MAF: variants seen among roughly 807,000 people sequenced by gnomAD.
MAF encodes the protein transcription factor Maf.
In MAF, 10 loss-of-function variants were observed where a neutral mutation model predicts 22.0. The observed-to-expected ratio is 0.45, with a 90% CI of 0.28 to 0.77. The LOEUF (loss-of-function observed/expected upper bound fraction) is 0.77. Among genes scored for constraint, MAF ranks in the 30% least tolerant of loss-of-function variants. The probability of loss-of-function intolerance (pLI) is 0.12; values close to 1 mark genes in which losing one functional copy is unlikely to be tolerated. For synonymous variants in MAF, 337 were observed against 255.8 expected, an observed-to-expected ratio of 1.32 and a Z score of -3.03; for missense variants, 544 against 548.4, an observed-to-expected ratio of 0.99 and a Z score of 0.08.
chr16:79,297,196 G>A, the MAF span, among the ~76,000 whole-genome samples: 2 of 152,170 alleles, frequency 1.3e-5, no homozygotes, highest in African/African-American at 4.8e-5. Flanking sequence ...TAATATTATG[G>A]GGTAGCAAAG....
the MAF span, among the ~76,000 whole-genome samples, chr16:79,318,367 G>A: frequency 6.6e-6 from 1 of 152,148 alleles, no homozygotes; most frequent in Non-Finnish European, 1.5e-5. Flanking sequence ...CCTGGAGGAG[G>A]AGATACATCA....
At chr16:79,585,883 T>C (rs1912808748) in exon 2 of MAF, 3 of 674,686 alleles carry the variant, frequency 4.4e-6, no homozygotes, top group African/African-American at 3.6e-5. Context: ...GATGTACCTC[T>C]TTGACTTCAG....
the MAF span, among the ~76,000 whole-genome samples, chr16:79,459,779 G>C: frequency 1.3e-5 from 2 of 152,070 alleles, no homozygotes; most frequent in Non-Finnish European, 2.9e-5. Flanking sequence ...GCCCAGGTTG[G>C]TCTTGATCTC....
chr16:79,230,949 T>C, the MAF span, among the ~76,000 whole-genome samples: 399 of 152,248 alleles, frequency 2.6e-3, 1 homozygote, highest in African/African-American at 9.1e-3. Flanking sequence ...GCCCAAAATA[T>C]ACGGATATCA....
At chr16:79,300,544 A>C in the MAF span, among the ~76,000 whole-genome samples, 4 of 147,338 alleles carry the variant, frequency 2.7e-5, no homozygotes, top group South Asian at 2.1e-4. Context: ...ACAGAGCAAG[A>C]CTCCATCTCA....
the MAF span, among the ~76,000 whole-genome samples, chr16:79,235,246 G>C: frequency 6.6e-6 from 1 of 151,996 alleles, no homozygotes; most frequent in African/African-American, 2.4e-5. Flanking sequence ...TTGCTGTAGA[G>C]GATGTTTGGC....
At chr16:79,398,432 C>G in the MAF span, among the ~76,000 whole-genome samples, 1 of 152,150 alleles carries the variant, frequency 6.6e-6, no homozygotes, top group African/African-American at 2.4e-5. Flanking sequence ...GATTAGAGCA[C>G]AGATATCTTT....
At chr16:79,439,959 G>T in the MAF span, among the ~76,000 whole-genome samples, 1 of 152,190 alleles carries the variant, frequency 6.6e-6, no homozygotes, top group Non-Finnish European at 1.5e-5. Flanking sequence ...GTTTTGATGC[G>T]AGAGGTCTTC....
chr16:79,402,128 G>C, the MAF span, among the ~76,000 whole-genome samples: 4 of 152,208 alleles, frequency 2.6e-5, no homozygotes, highest in Admixed American at 2.0e-4. Flanking sequence ...GCTTAAGCTA[G>C]CAGAATTGCT....
chr16:79,361,711 G>C, the MAF span, among the ~76,000 whole-genome samples: 1 of 102,754 alleles, frequency 9.7e-6, no homozygotes, highest in Non-Finnish European at 2.6e-5. Context: ...TTTATATACA[G>C]ATTTGGTGGT....
chr16:79,225,833 C>A, the MAF span, among the ~76,000 whole-genome samples: 1 of 152,122 alleles, frequency 6.6e-6, no homozygotes, highest in African/African-American at 2.4e-5. Context: ...AATGAGATAC[C>A]ATCTCACACC....
chr16:79,210,802 C>T, the MAF span, among the ~76,000 whole-genome samples: 2 of 152,108 alleles, frequency 1.3e-5, no homozygotes, highest in African/African-American at 4.8e-5. Flanking sequence ...GATGCCTCAT[C>T]ACTGCACACG....
chr16:79,402,010 T>C, the MAF span, among the ~76,000 whole-genome samples: 55 of 152,314 alleles, frequency 3.6e-4, no homozygotes, highest in Admixed American at 9.8e-4. Context: ...AGAGGTTAAA[T>C]GCCCAAAGTC....
At chr16:79,229,880 G>A in the MAF span, among the ~76,000 whole-genome samples, 1 of 152,006 alleles carries the variant, frequency 6.6e-6, no homozygotes, top group African/African-American at 2.4e-5. Context: ...GAGCTTGCTT[G>A]CGGCAGCCTG....
At chr16:79,262,910 C>T in the MAF span, among the ~76,000 whole-genome samples, 7 of 152,128 alleles carry the variant, frequency 4.6e-5, no homozygotes, top group Non-Finnish European at 1.0e-4. Context: ...GCATCTTATT[C>T]TCTCATAATG....
chr16:79,274,596 C>T, the MAF span, among the ~76,000 whole-genome samples: 609 of 152,210 alleles, frequency 4.0e-3, 5 homozygotes, highest in African/African-American at 0.014. Context: ...CTGTATAGCC[C>T]GGCAGTTAGT....
At chr16:79,248,589 TTAAC>T in the MAF span, among the ~76,000 whole-genome samples, 1 of 152,220 alleles carries the variant, frequency 6.6e-6, no homozygotes, top group Admixed American at 6.5e-5. Context: ...GAAGATTAAC[TTAAC>T]TATCACTTGG....
the MAF span, among the ~76,000 whole-genome samples, chr16:79,226,038 C>T: frequency 6.6e-6 from 1 of 152,142 alleles, no homozygotes. Flanking sequence ...GGTATATACC[C>T]AAAGGATTAT....
At chr16:79,235,538 A>G in the MAF span, among the ~76,000 whole-genome samples, 1 of 152,002 alleles carries the variant, frequency 6.6e-6, no homozygotes, top group Non-Finnish European at 1.5e-5. Context: ...CTGTCTCTAA[A>G]AAAAACCAGA....
Sources: allele counts gnomAD v4.1 joint callset (sites outside exome capture counted in the v4.1 genomes callset), GRCh38; gene constraint gnomAD v4.1.1; transcripts MANE v1.5; gene names NCBI Gene and HGNC (gene_info 2026-07-23, HGNC 2026-07-21).